SMARCA2: variants seen among roughly 807,000 people sequenced by gnomAD.
SMARCA2 encodes SWI/SNF-related matrix-associated actin-dependent regulator of chromatin subfamily A member 2.
In SMARCA2, 61 loss-of-function variants were observed where a neutral mutation model predicts 199.8. The ratio of observed to expected loss-of-function variants is 0.31; its 90% CI spans 0.25 to 0.38. SMARCA2 has a LOEUF of 0.38. Ranked by LOEUF, SMARCA2 falls within the 10% of genes least tolerant of loss-of-function variation. The pLI is 1.00. For missense variants in SMARCA2, 1,344 were observed against 2,012.2 expected, an observed-to-expected ratio of 0.67 and a Z score of 6.35; for synonymous variants, 935 against 732.0, an observed-to-expected ratio of 1.28 and a Z score of -4.48.
At chr9:2,021,486 A>T (rs959212244) in intron 1 of SMARCA2, among the ~76,000 whole-genome samples, 3 of 152,176 alleles carry the variant, frequency 2.0e-5, no homozygotes, top group Non-Finnish European at 2.9e-5. Flanking sequence ...TACCTACTTG[A>T]TGTGGTATAT....
chr9:2,049,027 T>C (rs1820004141), intron 5 of SMARCA2, among the ~76,000 whole-genome samples: 1 of 152,186 alleles, frequency 6.6e-6, no homozygotes, highest in Non-Finnish European at 1.5e-5. Flanking sequence ...TTTTTTTTCC[T>C]ACCCTAGGAA....
In SMARCA2 at chr9:2,123,771, C is replaced by G; in HGVS notation, c.3815C>G (p.Pro1272Arg). ...GATGCCCGGAACCCGAAACGGAAGC[C>G]CCGTTTAATGGAGGAGGATGAGCTG... ...REDARNPKRK[P>R]RLMEEDELPS... The change falls in exon 27 of 34, where the codon CCC becomes CGC. Residue 1272 changes from proline (P) to arginine (R), a missense_variant. By Grantham distance (103) the Pro-to-Arg change is moderately radical (BLOSUM62 -2). Coordinates refer to ENST00000349721, the MANE Select transcript of SMARCA2 (RefSeq NM_003070.5). This position sits in a 1 kb window ranked among gnomAD's most constrained non-coding sequence, Gnocchi z 4.1. 1 of 1,614,028 alleles carries G rather than the reference C, an allele frequency of 6.2e-7. No homozygotes were observed. The highest frequency in any genetic ancestry group is 8.5e-7 in the Non-Finnish European group (1 of 1,180,000).
chr9:2,018,823 G>A (rs1292458982), intron 1 of SMARCA2, among the ~76,000 whole-genome samples: 3 of 152,192 alleles, frequency 2.0e-5, no homozygotes, highest in Admixed American at 2.0e-4. Flanking sequence ...ATTTTCAGTA[G>A]TATTTTCCAT....
chr9:2,054,240 C>T (rs1399153674), intron 5 of SMARCA2, among the ~76,000 whole-genome samples: 1 of 152,202 alleles, frequency 6.6e-6, no homozygotes, highest in East Asian at 1.9e-4. Flanking sequence ...TTCTGTCTGG[C>T]TGGGAGTTAG....
chr9:2,126,700 CAG>C (rs1157512796), intron 27 of SMARCA2, among the ~76,000 whole-genome samples: 1 of 152,236 alleles, frequency 6.6e-6, no homozygotes, highest in Non-Finnish European at 1.5e-5. Context: ...GCCTGCTTGG[CAG>C]AGACATCCAA....
intron 24 of SMARCA2, among the ~76,000 whole-genome samples, chr9:2,114,563 A>G (rs1291439918): frequency 6.6e-6 from 1 of 152,232 alleles, no homozygotes; most frequent in Non-Finnish European, 1.5e-5. Flanking sequence ...AATGGGAGAC[A>G]TGTGTAAACA....
intron 4 of SMARCA2, chr9:2,041,502 C>A: frequency 2.5e-6 from 1 of 398,296 alleles, no homozygotes; most frequent in South Asian, 1.3e-4. Context: ...ATTATGAGGA[C>A]TCTACTCTCA....
Position 2,136,289 on chromosome 9 carries a change from ACAGTTCTTGTGCCT to A in SMARCA2, c.3981+12356_3981+12369del, listed in dbSNP as rs1486770851. Among the ~76,000 whole-genome samples the A allele has an allele frequency of 2.8e-5, 4 of 141,312 alleles. No individual in the cohort carries two copies. The East Asian group carries it at 8.4e-4, about 30-fold the overall frequency. 92.7% of individuals were successfully genotyped at this position (141,312 alleles called of 152,430 possible). A position where few individuals can be genotyped will look rare whatever the true frequency, so the allele number is the denominator to read the frequency against. ...TGCAACCTGCGCTTCTCGGGTTCAA[ACAGTTCTTGTGCCT>A]CAGCCTCCCGAGTAGCTGGGATTAC... is the stretch of plus-strand genomic sequence containing the variant. On this transcript the variant is annotated intron_variant, in intron 27 of 33. Transcript: ENST00000349721.
chr9:2,043,911 T>C (rs2130272993), intron 4 of SMARCA2: 1 of 152,366 alleles, frequency 6.6e-6, no homozygotes, highest in East Asian at 1.9e-4. Flanking sequence ...GATGGCATTT[T>C]GTACCTCTGA....
At chr9:2,181,356 A>C (rs1380279703) in intron 29 of SMARCA2, 1 of 434,102 alleles carries the variant, frequency 2.3e-6, no homozygotes, top group Non-Finnish European at 4.1e-6. Context: ...GTGTGACAGA[A>C]GTGGGGACCA....
intron 2 of SMARCA2, 181 bp from the exon 3 acceptor site, chr9:2,032,771 T>C: frequency 4.0e-6 from 2 of 505,748 alleles, no homozygotes; most frequent in Non-Finnish European, 3.5e-6. Flanking sequence ...GTTTAAAGAC[T>C]TAACATTTGA....
chr9:2,079,963 T>C (rs1821493668), intron 14 of SMARCA2: 1 of 152,266 alleles, frequency 6.6e-6, no homozygotes, highest in Non-Finnish European at 1.5e-5. Flanking sequence ...TGCTGTAGAT[T>C]CCCCGAACAT....
intron 9 of SMARCA2, among the ~76,000 whole-genome samples, chr9:2,070,067 T>A (rs1229129780): frequency 1.3e-5 from 2 of 152,212 alleles, no homozygotes; most frequent in African/African-American, 4.8e-5. Flanking sequence ...GAGCTAATTA[T>A]GTCAGGATAT....
At chr9:2,118,547 C>T (rs1286068135) in intron 25 of SMARCA2, among the ~76,000 whole-genome samples, 2 of 152,126 alleles carry the variant, frequency 1.3e-5, no homozygotes, top group East Asian at 1.9e-4. Flanking sequence ...TTTCTTCCCT[C>T]GACTGATACA....
chr9:2,032,294 G>A (rs1463168486), intron 2 of SMARCA2, among the ~76,000 whole-genome samples: 2 of 152,168 alleles, frequency 1.3e-5, no homozygotes, highest in Non-Finnish European at 2.9e-5. Flanking sequence ...TTTATTGCAT[G>A]TCTGTCACGT....
intron 27 of SMARCA2, chr9:2,158,040 C>G (rs563507022): frequency 1.5e-5 from 6 of 391,828 alleles, no homozygotes; most frequent in Non-Finnish European, 2.2e-5. Context: ...ACGTGCACGC[C>G]GCTTTCATAA....
At chr9:2,082,128 G>A (rs1374068271) in intron 15 of SMARCA2, 133 bp downstream of exon 15, 4 of 755,836 alleles carry the variant, frequency 5.3e-6, no homozygotes, top group Non-Finnish European at 8.5e-6. Flanking sequence ...CCAAGAGCAT[G>A]TAATCTGGAT....
chr9:2,071,851 A>G (rs1821102692), intron 10 of SMARCA2, among the ~76,000 whole-genome samples: 1 of 152,196 alleles, frequency 6.6e-6, no homozygotes, highest in South Asian at 2.1e-4. Context: ...TCTCTTGAGT[A>G]TATAGATGAC....
At chr9:2,121,939 G>A (rs1823478422) in intron 26 of SMARCA2, among the ~76,000 whole-genome samples, 1 of 152,132 alleles carries the variant, frequency 6.6e-6, no homozygotes, top group African/African-American at 2.4e-5. Flanking sequence ...GTAAGCATAA[G>A]GTTTATAATC....
Sources: allele counts gnomAD v4.1 joint callset (sites outside exome capture counted in the v4.1 genomes callset), GRCh38; gene constraint gnomAD v4.1.1; non-coding constraint Gnocchi (gnomAD v3.1); transcripts MANE v1.5; gene names NCBI Gene and HGNC (gene_info 2026-07-23, HGNC 2026-07-21).